Variants in CLVS1 observed in about 807,000 individuals in gnomAD.
CLVS1 encodes the protein clavesin-1.
In CLVS1, 10 loss-of-function variants were observed where a neutral mutation model predicts 33.1. The ratio of observed to expected loss-of-function variants is 0.30; its 90% confidence interval spans 0.19 to 0.51. CLVS1 has a LOEUF of 0.51. CLVS1 is among the 20% of genes least tolerant of loss of function. CLVS1 has a pLI of 0.97. For synonymous variants in CLVS1, 163 were observed against 166.1 expected (o/e 0.98, Z 0.14); for missense variants, 343 against 433.4 (o/e 0.79, Z 1.85).
At chr8:61,300,453 T>A in intron 2 of CLVS1, 171 bp downstream of exon 2, 1 of 591,074 alleles carries the variant, frequency 1.7e-6, no homozygotes. Context: ...CAATTCCAGA[T>A]GGAACAATAG....
intron 3 of CLVS1, among the ~76,000 whole-genome samples, chr8:61,431,326 G>C (rs1330094547): frequency 6.6e-6 from 1 of 152,190 alleles, no homozygotes; most frequent in Non-Finnish European, 1.5e-5. Flanking sequence ...TTTCTCAAAG[G>C]CATTAATTAA....
chr8:61,362,248 A>G (rs1309086619), intron 2 of CLVS1, among the ~76,000 whole-genome samples: 4 of 152,230 alleles, frequency 2.6e-5, no homozygotes, highest in African/African-American at 9.6e-5. Flanking sequence ...GACCTGAAAG[A>G]TGAGAAAGAG....
intron 1 of CLVS1, among the ~76,000 whole-genome samples, chr8:61,128,479 T>C (rs1806020414): frequency 6.6e-6 from 1 of 152,226 alleles, no homozygotes; most frequent in African/African-American, 2.4e-5. Context: ...CATCTTTTTC[T>C]TTCTAACAAT....
chr8:61,488,165 C>G (rs550978068), intron 5 of CLVS1, among the ~76,000 whole-genome samples: 3 of 152,326 alleles, frequency 2.0e-5, no homozygotes, highest in African/African-American at 7.2e-5. Flanking sequence ...GGATTTAACA[C>G]TCCTTCTGAC....
At chr8:61,006,575 T>C in the CLVS1 span, among the ~76,000 whole-genome samples, 8 of 152,320 alleles carry the variant, frequency 5.3e-5, no homozygotes, top group East Asian at 5.8e-4. Flanking sequence ...AAGAAGGGCA[T>C]CCCATCCCCA....
chr8:61,412,881 A>G (rs151153909), intron 3 of CLVS1, among the ~76,000 whole-genome samples: 97 of 152,342 alleles, frequency 6.4e-4, no homozygotes, highest in Middle Eastern at 3.4e-3. Flanking sequence ...AAACCTTCCT[A>G]TCAGAATCAC....
At chr8:61,059,475 C>CATACATATAT (rs59538219) in intron 1 of CLVS1, among the ~76,000 whole-genome samples, 28 of 50,206 alleles carry the variant, frequency 5.6e-4, no homozygotes, top group African/African-American at 1.4e-3. Context: ...TACATACATA[C>CATACATATAT]ATATATATAT....
chr8:61,207,360 T>TGCAGTGGTGCTTGGGCTCCAGGGGATG lies in CLVS1; in HGVS notation c.-152+75500_-152+75501insGCAGTGGTGCTTGGGCTCCAGGGGATG, dbSNP rs1807875203. Reference sequence around the variant, plus strand: ...GCAGAGGTGCATGGGCTCCAGGGATTTGCAGCGGTGCATGGGTTCCAGGGA... The same window carrying TGCAGTGGTGCTTGGGCTCCAGGGGATG: ...GCAGAGGTGCATGGGCTCCAGGGATTGCAGTGGTGCTTGGGCTCCAGGGGATGTGCAGCGGTGCATGGGTTCCAGGGA... On this transcript the variant is annotated intron_variant, in intron 2 of 2. Coordinates refer to the CLVS1 transcript ENST00000522621. Among the ~76,000 whole-genome samples the TGCAGTGGTGCTTGGGCTCCAGGGGATG allele has an allele frequency of 9.2e-5, 3 of 32,786 alleles. No individual in the cohort carries two copies. In the African/African-American group the frequency reaches 9.5e-4, roughly 10 times the overall value. The allele number at this position is 32,786 out of a possible 152,430, so 21.5% of individuals were successfully genotyped here.
At chr8:61,474,345 C>G (rs1432378548) in intron 5 of CLVS1, among the ~76,000 whole-genome samples, 1 of 152,142 alleles carries the variant, frequency 6.6e-6, no homozygotes, top group Non-Finnish European at 1.5e-5. Flanking sequence ...TTCACAAGAG[C>G]TGTGGTGGAG....
At chr8:61,314,753 A>G (rs1025852475) in intron 2 of CLVS1, among the ~76,000 whole-genome samples, 1 of 152,148 alleles carries the variant, frequency 6.6e-6, no homozygotes, top group Non-Finnish European at 1.5e-5. Flanking sequence ...AAGTCTTTCT[A>G]ATATCTTTTT....
At chr8:61,472,998 C>T (rs1476067281) in intron 5 of CLVS1, among the ~76,000 whole-genome samples, 1 of 152,128 alleles carries the variant, frequency 6.6e-6, no homozygotes, top group Non-Finnish European at 1.5e-5. Flanking sequence ...CCCATACAAA[C>T]AGCTGTTTCA....
At chr8:61,445,308 T>G (rs1816712970) in intron 3 of CLVS1, among the ~76,000 whole-genome samples, 1 of 152,226 alleles carries the variant, frequency 6.6e-6, no homozygotes, top group Non-Finnish European at 1.5e-5. Flanking sequence ...ATAATTTGGA[T>G]ATTTGTCCAC....
intron 2 of CLVS1, among the ~76,000 whole-genome samples, chr8:61,350,726 A>G (rs2934018): frequency 0.99 from 151,426 of 152,240 alleles, 75,310 homozygotes; most frequent in East Asian, 1. Context: ...CATGTAGAGT[A>G]GAGGAAATTA....
intron 2 of CLVS1, among the ~76,000 whole-genome samples, chr8:61,232,777 A>G (rs10088723): frequency 0.22 from 33,045 of 152,094 alleles, 6,240 homozygotes; most frequent in East Asian, 0.69. Context: ...GTCTGACAAT[A>G]TCATTCTATC....
At chr8:61,059,471 CATACATATATAT>C (rs1804539061) in intron 1 of CLVS1, among the ~76,000 whole-genome samples, 1 of 22,990 alleles carries the variant, frequency 4.3e-5, no homozygotes, top group African/African-American at 1.6e-4. Context: ...TACATACATA[CATACATATATAT>C]ATATATATAT....
intron 2 of CLVS1, among the ~76,000 whole-genome samples, chr8:61,359,288 G>A (rs557166094): frequency 2.2e-4 from 34 of 152,178 alleles, no homozygotes; most frequent in Non-Finnish European, 4.7e-4. Context: ...TTGGAGGAGA[G>A]AGAAATTGCT....
At chr8:61,008,314 G>A in the CLVS1 span, among the ~76,000 whole-genome samples, 91 of 152,186 alleles carry the variant, frequency 6.0e-4, no homozygotes, top group African/African-American at 2.2e-3. Flanking sequence ...TCATCAAGCT[G>A]CCTTCAGTAG....
chr8:60,989,499 G>T, the CLVS1 span, among the ~76,000 whole-genome samples: 1 of 152,158 alleles, frequency 6.6e-6, no homozygotes, highest in East Asian at 1.9e-4. Context: ...CACAAGTGTT[G>T]TTGATTCCAC....
At chr8:61,018,583 A>G in the CLVS1 span, among the ~76,000 whole-genome samples, 11 of 152,238 alleles carry the variant, frequency 7.2e-5, no homozygotes, top group African/African-American at 2.7e-4. Flanking sequence ...AACACTGATT[A>G]ATGTATAAAC....
Sources: gnomAD v4.1 joint callset for allele counts (sites outside exome capture counted in the v4.1 genomes callset) on GRCh38, gnomAD v4.1.1 for gene constraint, MANE v1.5 for transcripts, NCBI Gene and HGNC (gene_info 2026-07-23, HGNC 2026-07-21) for gene names.